Variants in EPS8 observed in about 807,000 individuals in gnomAD.
EPS8 encodes the protein EGFR pathway substrate 8, signaling adaptor.
EPS8 carries 42 observed loss-of-function variants against 103.8 expected under a neutral mutation model. The ratio of observed to expected loss-of-function variants is 0.40; its 90% confidence interval spans 0.32 to 0.52. The LOEUF (loss-of-function observed/expected upper bound fraction) is 0.52. Among genes scored for constraint, EPS8 ranks in the 20% least tolerant of loss-of-function variants. The pLI is 0.40. For missense variants in EPS8, 969 were observed against 1,005.1 expected (o/e 0.96, Z 0.49); for synonymous variants, 344 against 344.6 (o/e 1.00, Z 0.02).
chr12:15,735,171 C>T lies in EPS8; in HGVS notation c.-21-52199G>A, dbSNP rs1946756468. On this transcript the variant is annotated intron_variant, in intron 1 of 20. Coordinates refer to ENST00000281172, the MANE Select transcript of EPS8 (RefSeq NM_004447.6). This position sits in a 1 kb window ranked among gnomAD's most constrained non-coding sequence, Gnocchi z 4.4. ...AATTTTTCTACAAATGAACTCACCT[C>T]AGAAATGAAAATAAGCTCCAATTCT... Among the ~76,000 whole-genome samples, 1 of 152,208 alleles carries T rather than the reference C, an allele frequency of 6.6e-6. No individual in the cohort carries two copies. The highest frequency in any genetic ancestry group is 1.5e-5 in the Non-Finnish European group (1 of 68,032).
intron 1 of EPS8, among the ~76,000 whole-genome samples, chr12:15,746,458 G>T (rs1015474952): frequency 6.6e-6 from 1 of 151,692 alleles, no homozygotes; most frequent in African/African-American, 2.4e-5. Context: ...ATCATCACAT[G>T]TCTGGATAAT....
chr12:15,657,525 G>A (rs1945529104), intron 12 of EPS8, among the ~76,000 whole-genome samples: 1 of 152,148 alleles, frequency 6.6e-6, no homozygotes, highest in African/African-American at 2.4e-5. Context: ...TTCTAAGAAG[G>A]TAAGAATTTT....
At position 15,684,521 on chromosome 12, in the gene EPS8, CAAAG is replaced by C. The variant is rs773437776; in HGVS notation, c.-21-1553_-21-1550del. 1.3e-5 allele frequency among the ~76,000 whole-genome samples: 2 copies of C among 152,050 alleles called. No individual in the cohort carries two copies. The highest frequency in any genetic ancestry group is 4.8e-5 in the African/African-American group (2 of 41,398). ...AATAGGTGTTCATTAAATATTTATT[CAAAG>C]AAAGAAAGAAGGAAATCCATGTCCC... On this transcript the variant is annotated intron_variant, in intron 1 of 20. Coordinates refer to ENST00000281172, the MANE Select transcript of EPS8 (RefSeq NM_004447.6). This position sits in a 1 kb window ranked among gnomAD's most constrained non-coding sequence, Gnocchi z 4.9.
chr12:15,654,465 C>T (rs892967696), intron 12 of EPS8, 172 bp from the exon 13 acceptor site: 6 of 651,822 alleles, frequency 9.2e-6, no homozygotes, highest in East Asian at 5.5e-5. Context: ...ATCAACTTGC[C>T]CAGCCCAGCA....
In EPS8 at chr12:15,731,864, TG is replaced by T; in HGVS notation, c.-21-48893del. Among the ~76,000 whole-genome samples the T allele has an allele frequency of 6.6e-6, 1 of 152,292 alleles. No homozygotes were observed. The highest frequency in any genetic ancestry group is 2.1e-4 in the South Asian group (1 of 4,820). ...AAGATAAAGTGTGTGTGTGCATGTG[TG>T]TGTGTAGGCAAAAGGAAGCTGGGTG... On this transcript the variant is annotated intron_variant, in intron 1 of 20. Transcript: ENST00000281172. This position sits in a 1 kb window ranked among gnomAD's most constrained non-coding sequence, Gnocchi z 5.1.
chr12:15,681,793 A>G (rs946493416), intron 2 of EPS8, among the ~76,000 whole-genome samples: 1 of 151,300 alleles, frequency 6.6e-6, no homozygotes, highest in African/African-American at 2.4e-5. Flanking sequence ...AATCCCAGCT[A>G]TGCAGGAGGC....
At chr12:15,658,724 T>C in intron 10 of EPS8, 139 bp from the exon 11 acceptor site, 2 of 640,770 alleles carry the variant, frequency 3.1e-6, no homozygotes, top group Non-Finnish European at 5.7e-6. Flanking sequence ...CTACATCTCA[T>C]AGTCTGACTG....
chr12:15,649,426 T>C (rs1168293208), intron 14 of EPS8, among the ~76,000 whole-genome samples: 1 of 152,228 alleles, frequency 6.6e-6, no homozygotes, highest in Non-Finnish European at 1.5e-5. Flanking sequence ...CATAATTTCA[T>C]GTTTGATTAT....
rs1347922715 is a variant in EPS8, at chr12:15,747,418, T to C, written c.-22+41743A>G. 6.6e-6 allele frequency among the ~76,000 whole-genome samples: 1 copy of C among 152,202 alleles called. No homozygotes were observed. The highest frequency in any genetic ancestry group is 1.5e-5 in the Non-Finnish European group (1 of 68,032). The stretch of plus-strand genomic sequence containing the variant: ...ATTTCCTAGAAACCCAATCTGTTTT[T>C]CAAACCAAAATGCACTATTTTAGGA... On this transcript the variant is annotated intron_variant, in intron 1 of 20. Coordinates refer to ENST00000281172, the MANE Select transcript of EPS8 (RefSeq NM_004447.6). This position sits in a 1 kb window ranked among gnomAD's most constrained non-coding sequence, Gnocchi z 4.4.
rs767876620 is a variant in EPS8 at position 15,776,834 on chromosome 12, C to A, written c.-22+12327G>T. ...TTCTACCACCACTTGTTTTCCCAAT[C>A]ATTTTATCACTTTATCTATTAGTTT... On this transcript the variant is annotated intron_variant, in intron 1 of 20. Coordinates refer to ENST00000281172, the MANE Select transcript of EPS8 (RefSeq NM_004447.6). This position sits in a 1 kb window ranked among gnomAD's most constrained non-coding sequence, Gnocchi z 4.2. Among the ~76,000 whole-genome samples, 1 of 152,172 alleles carries A rather than the reference C, an allele frequency of 6.6e-6. No individual in the cohort carries two copies. Among genetic ancestry groups the A allele is most frequent in the Non-Finnish European group, 1.5e-5 (1 of 68,018 alleles).
At position 15,734,134 on chromosome 12, in the gene EPS8, C is replaced by G. The variant is rs750758765; in HGVS notation, c.-21-51162G>C. Among the ~76,000 whole-genome samples the G allele has an allele frequency of 1.3e-5, 2 of 152,164 alleles. No homozygotes were observed. Among genetic ancestry groups the G allele is most frequent in the Non-Finnish European group, 2.9e-5 (2 of 68,024 alleles). ...GGGATTACAGGACTGAGTCATCATGCCTGGCCAGAAAATTCATTTTTAATA... is the reference window on the plus strand; with the variant it reads ...GGGATTACAGGACTGAGTCATCATGGCTGGCCAGAAAATTCATTTTTAATA... On this transcript the variant is annotated intron_variant, in intron 1 of 20. Transcript: ENST00000281172. This position sits in a 1 kb window ranked among gnomAD's most constrained non-coding sequence, Gnocchi z 4.1.
At chr12:15,732,233 C>T (rs1276133651) in intron 1 of EPS8, among the ~76,000 whole-genome samples, 5 of 152,186 alleles carry the variant, frequency 3.3e-5, no homozygotes, top group Non-Finnish European at 5.9e-5. Flanking sequence ...TATGACTACA[C>T]ACAATTTGTC....
Position 15,781,230 on chromosome 12 carries a change from G to A in EPS8, c.-22+7931C>T, listed in dbSNP as rs1947257933. ...ACAAAGCTAGAAGAATCTTTGTGGA[G>A]CTTAAATACACAAACTTTTTCGCTA... On this transcript the variant is annotated intron_variant, in intron 1 of 20. Coordinates refer to ENST00000281172, the MANE Select transcript of EPS8 (RefSeq NM_004447.6). The surrounding 1 kb of genome is among the most constrained non-coding windows in gnomAD (Gnocchi z 4.1). Among the ~76,000 whole-genome samples the A allele has an allele frequency of 6.6e-6, 1 of 152,198 alleles. No homozygotes were observed. The highest frequency in any genetic ancestry group is 2.4e-5 in the African/African-American group (1 of 41,450).
intron 1 of EPS8, chr12:15,683,746 C>G (rs976901499): frequency 6.6e-6 from 1 of 151,308 alleles, no homozygotes; most frequent in Non-Finnish European, 1.5e-5. Context: ...AATGGAATGG[C>G]CTTTTCTTTC....
Position 15,752,879 on chromosome 12 carries a change from AAAGGC to A in EPS8, c.-22+36277_-22+36281del, listed in dbSNP as rs1407969643. 6.6e-6 allele frequency among the ~76,000 whole-genome samples: 1 copy of A among 152,156 alleles called. No homozygotes were observed. Among genetic ancestry groups the A allele is most frequent in the Non-Finnish European group, 1.5e-5 (1 of 68,030 alleles). On this transcript the variant is annotated intron_variant, in intron 1 of 20. Coordinates refer to ENST00000281172, the MANE Select transcript of EPS8 (RefSeq NM_004447.6). The surrounding 1 kb of genome is among the most constrained non-coding windows in gnomAD (Gnocchi z 4.4). ...TTGCATTATCATAAAATCCTATGAG[AAAGGC>A]AAGGCAAGAACCATTACTTTCCTAA...
chr12:15,675,051 A>G (rs1945880228), intron 3 of EPS8, among the ~76,000 whole-genome samples: 1 of 152,224 alleles, frequency 6.6e-6, no homozygotes, highest in Non-Finnish European at 1.5e-5. Context: ...AAAGCTAGGT[A>G]TGAAAAGGAC....
chr12:15,722,309 C>T (rs1946605621), intron 1 of EPS8, among the ~76,000 whole-genome samples: 1 of 151,912 alleles, frequency 6.6e-6, no homozygotes, highest in Admixed American at 6.6e-5. Context: ...GTTCTACAGC[C>T]TATTTTAAAC....
intron 8 of EPS8, 190 bp from the exon 9 acceptor site, chr12:15,662,289 A>G (rs1303068537): frequency 1.4e-6 from 2 of 1,404,782 alleles, no homozygotes; most frequent in Non-Finnish European, 1.8e-6. Context: ...GGAGCAGTTG[A>G]GCAGAGCTTA....
chr12:15,754,195 T>G (rs1056363153), intron 1 of EPS8, among the ~76,000 whole-genome samples: 1 of 151,580 alleles, frequency 6.6e-6, no homozygotes, highest in Admixed American at 6.6e-5. Context: ...TCACACTAAG[T>G]GTTGGCCTGA....
Sources: gnomAD v4.1 joint callset for allele counts (sites outside exome capture counted in the v4.1 genomes callset) on GRCh38, gnomAD v4.1.1 for gene constraint, Gnocchi (gnomAD v3.1) non-coding constraint, MANE v1.5 for transcripts, NCBI Gene and HGNC (gene_info 2026-07-23, HGNC 2026-07-21) for gene names.